The following GPM6A variants were observed in gnomAD, a reference collection of about 807,000 sequenced individuals.
The protein encoded by GPM6A is neuronal membrane glycoprotein M6-a.
Under a neutral mutation model 32.1 loss-of-function variants are expected in GPM6A, and 7 were observed. That is an observed-to-expected ratio of 0.22 (90% CI 0.12 to 0.41). The LOEUF (loss-of-function observed/expected upper bound fraction) is 0.41. GPM6A is among the 10% of genes least tolerant of loss of function. The pLI is 1.00. For synonymous variants in GPM6A, 130 were observed against 123.4 expected (o/e 1.05, Z -0.35); for missense variants, 235 against 347.2 (o/e 0.68, Z 2.57).
chr4:176,001,443 G>A (rs1344695010), intron 1 of GPM6A, among the ~76,000 whole-genome samples: 1 of 152,176 alleles, frequency 6.6e-6, no homozygotes, highest in East Asian at 1.9e-4. Flanking sequence ...CTCGCTCTTC[G>A]AGGTGACTCG....
intron 2 of GPM6A, among the ~76,000 whole-genome samples, chr4:175,687,831 C>A (rs954857509): frequency 2.0e-5 from 3 of 152,092 alleles, no homozygotes; most frequent in Non-Finnish European, 4.4e-5. Flanking sequence ...CCATACTCAC[C>A]CACACTTGTT....
At chr4:175,893,863 GGT>G (rs1281229807) in intron 1 of GPM6A, among the ~76,000 whole-genome samples, 5 of 151,992 alleles carry the variant, frequency 3.3e-5, no homozygotes, top group African/African-American at 1.2e-4. Context: ...AGGACATGAA[GGT>G]GCTAAAACTC....
intron 1 of GPM6A, among the ~76,000 whole-genome samples, chr4:175,766,193 T>C (rs1459205895): frequency 1.3e-5 from 2 of 152,212 alleles, no homozygotes; most frequent in Non-Finnish European, 2.9e-5. Context: ...AAGTCAATGT[T>C]ATTCTTTGAT....
At chr4:175,968,620 T>C (rs1252722772) in intron 1 of GPM6A, among the ~76,000 whole-genome samples, 2 of 152,066 alleles carry the variant, frequency 1.3e-5, no homozygotes, top group Non-Finnish European at 2.9e-5. Flanking sequence ...GGACAATAAA[T>C]CTGACCTAAC....
chr4:175,931,700 A>ACG (rs1319464426), intron 1 of GPM6A, among the ~76,000 whole-genome samples: 15 of 149,054 alleles, frequency 1.0e-4, no homozygotes, highest in African/African-American at 3.5e-4. Flanking sequence ...ACACACACAC[A>ACG]CACACACACA....
intron 3 of GPM6A, among the ~76,000 whole-genome samples, chr4:175,661,993 A>G (rs1299351990): frequency 6.6e-6 from 1 of 152,190 alleles, no homozygotes; most frequent in African/African-American, 2.4e-5. Flanking sequence ...ATAAAACAGA[A>G]CTATATAGAC....
intron 1 of GPM6A, chr4:175,807,209 A>T (rs559687640): frequency 6.6e-6 from 1 of 152,320 alleles, no homozygotes; most frequent in South Asian, 2.1e-4. Context: ...TGATTTAGGG[A>T]CGAATTTATT....
At chr4:175,752,519 C>T (rs368992604) in intron 1 of GPM6A, among the ~76,000 whole-genome samples, 2 of 152,080 alleles carry the variant, frequency 1.3e-5, no homozygotes, top group Admixed American at 6.6e-5. Flanking sequence ...GGTGATCCCT[C>T]CTCTATGCTC....
At chr4:175,779,787 T>C (rs1166162423) in intron 1 of GPM6A, among the ~76,000 whole-genome samples, 5 of 152,144 alleles carry the variant, frequency 3.3e-5, no homozygotes, top group Admixed American at 2.6e-4. Flanking sequence ...AGCTAAAAGG[T>C]TAGCACTACA....
intron 1 of GPM6A, among the ~76,000 whole-genome samples, chr4:175,930,940 T>C (rs1345924573): frequency 6.6e-6 from 1 of 152,126 alleles, no homozygotes; most frequent in East Asian, 1.9e-4. Flanking sequence ...AGGATAATTA[T>C]CCATTATTAG....
At chr4:175,836,235 C>T (rs546665223) in intron 1 of GPM6A, among the ~76,000 whole-genome samples, 1 of 152,244 alleles carries the variant, frequency 6.6e-6, no homozygotes, top group Non-Finnish European at 1.5e-5. Context: ...CACTTCTATA[C>T]ATACAGCAAG....
Position 175,977,983 on chromosome 4 carries a change from G to A in GPM6A, c.-23+24326C>T, listed in dbSNP as rs369642096. Among the ~76,000 whole-genome samples the A allele has an allele frequency of 4.6e-5, 7 of 152,212 alleles. No homozygotes were observed. In the East Asian group the frequency reaches 9.6e-4, roughly 21 times the overall value. Reference sequence around the variant, plus strand: ...CTACTTCAATGCTGTCAGGTTCAAAGGTTTCTCCAAATTTTCCAAACATTT... The same window carrying A: ...CTACTTCAATGCTGTCAGGTTCAAAAGTTTCTCCAAATTTTCCAAACATTT... On this transcript the variant is annotated intron_variant, in intron 1 of 7. Coordinates refer to the GPM6A transcript ENST00000280187.
intron 1 of GPM6A, among the ~76,000 whole-genome samples, chr4:175,980,904 T>A (rs1390614652): frequency 6.6e-6 from 1 of 152,212 alleles, no homozygotes; most frequent in East Asian, 1.9e-4. Context: ...GTGAAACATA[T>A]TATCTCATGC....
intron 1 of GPM6A, among the ~76,000 whole-genome samples, chr4:175,831,395 A>C (rs1287904397): frequency 2.4e-4 from 37 of 152,182 alleles, no homozygotes; most frequent in Non-Finnish European, 1.5e-5. Flanking sequence ...CTAAGCTTAC[A>C]TTTTCAAAGT....
chr4:175,671,095 C>T (rs1445352539), intron 3 of GPM6A, among the ~76,000 whole-genome samples: 1 of 151,796 alleles, frequency 6.6e-6, no homozygotes, highest in Non-Finnish European at 1.5e-5. Flanking sequence ...GAACTCCTAA[C>T]CTCGTGATCC....
chr4:175,707,300 C>T (rs1414660058), intron 1 of GPM6A, among the ~76,000 whole-genome samples: 1 of 152,196 alleles, frequency 6.6e-6, no homozygotes, highest in Non-Finnish European at 1.5e-5. Context: ...TTTCCAGTAA[C>T]AGTTGGGCCA....
chr4:175,867,294 C>A (rs1449890509), intron 1 of GPM6A, among the ~76,000 whole-genome samples: 3 of 152,026 alleles, frequency 2.0e-5, no homozygotes, highest in Admixed American at 6.5e-5. Context: ...TCATAAATTG[C>A]GCCTTCAATG....
intron 1 of GPM6A, among the ~76,000 whole-genome samples, chr4:175,898,291 C>T (rs1737855611): frequency 6.6e-6 from 1 of 152,168 alleles, no homozygotes; most frequent in Non-Finnish European, 1.5e-5. Context: ...TCAAACATTT[C>T]CATATATAAT....
intron 1 of GPM6A, among the ~76,000 whole-genome samples, chr4:175,718,587 G>C (rs1049712548): frequency 1.6e-4 from 24 of 152,140 alleles, no homozygotes; most frequent in African/African-American, 5.8e-4. Flanking sequence ...CTGCACTCCA[G>C]CTTGGGTGAC....
Sources: gnomAD v4.1 joint callset for allele counts (sites outside exome capture counted in the v4.1 genomes callset) on GRCh38, gnomAD v4.1.1 for gene constraint, MANE v1.5 for transcripts, NCBI Gene and HGNC (gene_info 2026-07-23, HGNC 2026-07-21) for gene names.